PCDHGA1: variants seen among roughly 807,000 people sequenced by gnomAD.
PCDHGA1 encodes protocadherin gamma subfamily A, 1, also known as protocadherin gamma-A1.
A neutral mutation model predicts 58.0 loss-of-function variants in PCDHGA1; 32 were observed. The ratio of observed to expected loss-of-function variants is 0.55; its 90% CI spans 0.42 to 0.74. The LOEUF (loss-of-function observed/expected upper bound fraction) is 0.74. PCDHGA1 is among the 30% of genes least tolerant of loss of function. The probability of loss-of-function intolerance (pLI) is 0.00; values close to 1 mark genes in which losing one functional copy is unlikely to be tolerated. For missense variants in PCDHGA1, 1,205 were observed against 1,182.3 expected (o/e 1.02, Z -0.28); for synonymous variants, 498 against 501.1 (o/e 0.99, Z 0.08).
At chr5:141,498,530 A>G (rs1275299749) in intron 2 of PCDHGA1, among the ~76,000 whole-genome samples, 1 of 149,364 alleles carries the variant, frequency 6.7e-6, no homozygotes, top group Non-Finnish European at 1.5e-5. Flanking sequence ...ACTGCCCTCC[A>G]GCCTGGTCTG....
At chr5:141,414,948 G>A (rs957548133) in intron 1 of PCDHGA1, 20 of 1,614,084 alleles carry the variant, frequency 1.2e-5, no homozygotes, top group South Asian at 2.2e-5. Flanking sequence ...CCGGCTACCT[G>A]GTGACCAAGG....
chr5:141,332,403 C>T lies in PCDHGA1; in HGVS notation c.1719C>T (p.Thr573=), dbSNP rs780691609. 9.2e-5 allele frequency: 149 copies of T among 1,614,010 alleles called. No individual in the cohort carries two copies. The highest frequency in any genetic ancestry group is 2.4e-4 in the South Asian group (22 of 91,072). ...LYPALPTDGS[T]GVELAPLSAE... is the part of the protein sequence containing the mutation. ...CCGCCCTCCCCACAGATGGTTCTAC[C>T]GGCGTGGAGCTGGCGCCCCTCTCCG... Residue 573 remains threonine (T), a synonymous_variant, in exon 1 of 4, where the codon ACC becomes ACT. Transcript: ENST00000517417. The surrounding 1 kb of genome is among the most constrained non-coding windows in gnomAD (Gnocchi z 4.6).
Position 141,364,526 on chromosome 5 carries a change from A to G in PCDHGA1, c.2421+31421A>G, listed in dbSNP as rs532623040. The G allele has an allele frequency of 8.7e-6, 14 of 1,614,060 alleles. No homozygotes were observed. In the African/African-American group the frequency reaches 1.7e-4, roughly 20 times the overall value. On this transcript the variant is annotated intron_variant, in intron 1 of 3. Coordinates refer to ENST00000517417, the MANE Select transcript of PCDHGA1 (RefSeq NM_018912.3). ...GGAGCTGGCGGAGCGCGGAGTCCGC[A>G]TCGTCTCCAGAGGTAGGACGCAGCT...
intron 1 of PCDHGA1, among the ~76,000 whole-genome samples, chr5:141,381,395 C>T (rs1588899901): frequency 6.6e-6 from 1 of 152,328 alleles, no homozygotes; most frequent in South Asian, 2.1e-4. Flanking sequence ...TAGTTTTACT[C>T]TATCAACATC....
intron 1 of PCDHGA1, chr5:141,393,085 A>T (rs1350561914): frequency 5.6e-6 from 9 of 1,613,542 alleles, no homozygotes; most frequent in Non-Finnish European, 7.6e-6. Flanking sequence ...GGCAGGATAG[A>T]TCGGGAGGAG....
intron 1 of PCDHGA1, chr5:141,390,038 C>T: frequency 1.9e-6 from 3 of 1,614,060 alleles, no homozygotes; most frequent in Non-Finnish European, 2.5e-6. Flanking sequence ...GCTCCTCCAG[C>T]CCCGCCTCCT....
At chr5:141,430,557 G>C (rs1161595629) in intron 1 of PCDHGA1, 5 of 412,906 alleles carry the variant, frequency 1.2e-5, no homozygotes, top group Non-Finnish European at 1.7e-5. Context: ...TTCACCAATC[G>C]GGGAGAGAAA....
intron 1 of PCDHGA1, chr5:141,370,177 C>T: frequency 2.2e-6 from 1 of 462,820 alleles, no homozygotes; most frequent in Non-Finnish European, 3.8e-6. Context: ...GCGCCGGGTG[C>T]CGCTCTTGGC....
At chr5:141,375,888 C>G in intron 1 of PCDHGA1, 1 of 1,613,818 alleles carries the variant, frequency 6.2e-7, no homozygotes, top group Admixed American at 1.7e-5. Context: ...GGCCAGAACG[C>G]CTGGCTGTCC....
intron 1 of PCDHGA1, chr5:141,413,078 C>A: frequency 7.7e-7 from 1 of 1,301,148 alleles, no homozygotes; most frequent in Non-Finnish European, 1.1e-6. Flanking sequence ...AGTGCCCAGG[C>A]TACAGAGACA....
chr5:141,490,561 A>G lies in PCDHGA1; in HGVS notation c.2422-4246A>G. On this transcript the variant is annotated intron_variant, in intron 1 of 3. Coordinates refer to ENST00000517417, the MANE Select transcript of PCDHGA1 (RefSeq NM_018912.3). This position sits in a 1 kb window ranked among gnomAD's most constrained non-coding sequence, Gnocchi z 5.4. Reference sequence around the variant, plus strand: ...TTCCCTACACAAACATCTCACCATCAGGCTCAACATTTCAGATGTCAATGA... The same window carrying G: ...TTCCCTACACAAACATCTCACCATCGGGCTCAACATTTCAGATGTCAATGA... 6.2e-7 allele frequency: 1 copy of G among 1,614,090 alleles called. No individual in the cohort carries two copies. The highest frequency in any genetic ancestry group is 8.5e-7 in the Non-Finnish European group (1 of 1,180,004).
At chr5:141,371,133 T>A in intron 1 of PCDHGA1, 2 of 1,614,000 alleles carry the variant, frequency 1.2e-6, no homozygotes, top group Non-Finnish European at 1.7e-6. Context: ...TCAGGACATG[T>A]ACAGGGTCAA....
intron 1 of PCDHGA1, chr5:141,399,237 AGATTCTG>A: frequency 6.2e-7 from 1 of 1,614,002 alleles, no homozygotes; most frequent in South Asian, 1.1e-5. Context: ...TACATGACCA[AGATTCTG>A]GGGAAAATGG....
chr5:141,442,131 A>T, intron 1 of PCDHGA1: 1 of 165,118 alleles, frequency 6.1e-6, no homozygotes, highest in Non-Finnish European at 1.3e-5. Context: ...GACAGCCTGC[A>T]GGAGACTCTG....
rs72790062 is a variant in PCDHGA1, at chr5:141,476,031, C to A, written c.2422-18776C>A. On this transcript the variant is annotated intron_variant, in intron 1 of 3. Coordinates refer to ENST00000517417, the MANE Select transcript of PCDHGA1 (RefSeq NM_018912.3). The surrounding 1 kb of genome is among the most constrained non-coding windows in gnomAD (Gnocchi z 7.6). Reference sequence around the variant, plus strand: ...AAGCCATGTCGGACTCGGCGCCCAGCGCCCAAGCGCTAACCCGCTGAAAGT... The same window carrying A: ...AAGCCATGTCGGACTCGGCGCCCAGAGCCCAAGCGCTAACCCGCTGAAAGT... 6.9e-6 allele frequency: 10 copies of A among 1,457,214 alleles called. No homozygotes were observed. The highest frequency in any genetic ancestry group is 9.1e-6 in the Non-Finnish European group (10 of 1,094,860). 90.3% of individuals were successfully genotyped at this position (1,457,214 alleles called of 1,614,324 possible).
chr5:141,345,356 T>A (rs1182631562), intron 1 of PCDHGA1: 1 of 1,614,098 alleles, frequency 6.2e-7, no homozygotes, highest in African/African-American at 1.3e-5. Context: ...TCACCCTGCA[T>A]GTGATTGACA....
intron 1 of PCDHGA1, chr5:141,414,450 A>C (rs759840643): frequency 9.3e-6 from 15 of 1,613,772 alleles, no homozygotes. Context: ...ACAATATCAC[A>C]GTGACAGCCA....
At chr5:141,374,737 C>A in intron 1 of PCDHGA1, 2 of 1,610,672 alleles carry the variant, frequency 1.2e-6, no homozygotes, top group Non-Finnish European at 1.7e-6. Context: ...TGGATGGCGG[C>A]GACCCTGTCC....
rs1387096237 is a variant in PCDHGA1 at position 141,331,299 on chromosome 5, A to G, written c.615A>G (p.Glu205=). Residue 205 remains glutamate (E), a synonymous_variant, in exon 1 of 4, where the codon GAA becomes GAG. Coordinates refer to ENST00000517417, the MANE Select transcript of PCDHGA1 (RefSeq NM_018912.3). ...VLQSPLDREE[E]AVHHLILTAS... ...AGAGTCCCTTAGACAGAGAAGAAGA[A>G]GCTGTCCACCACCTCATCCTCACAG... 1.2e-6 allele frequency: 2 copies of G among 1,614,036 alleles called. No individual in the cohort carries two copies. The highest frequency in any genetic ancestry group is 1.7e-6 in the Non-Finnish European group (2 of 1,180,044).
Sources: allele counts gnomAD v4.1 joint callset (sites outside exome capture counted in the v4.1 genomes callset), GRCh38; gene constraint gnomAD v4.1.1; non-coding constraint Gnocchi (gnomAD v3.1); transcripts MANE v1.5; gene names NCBI Gene and HGNC (gene_info 2026-07-23, HGNC 2026-07-21).